TTC28: variants seen among roughly 807,000 people sequenced by gnomAD.
TTC28 encodes the protein tetratricopeptide repeat protein 28.
Under a neutral mutation model 198.0 loss-of-function variants are expected in TTC28, and 61 were observed. The observed-to-expected ratio is 0.31, with a 90% confidence interval of 0.25 to 0.38. The LOEUF is 0.38. Ranked by LOEUF, TTC28 falls within the 10% of genes least tolerant of loss-of-function variation. The pLI, the probability that TTC28 is intolerant of heterozygous loss-of-function variation, is 1.00. For synonymous variants in TTC28, 1,171 were observed against 1,297.8 expected (o/e 0.90, Z 2.10); for missense variants, 2,678 against 3,164.0 (o/e 0.85, Z 3.69).
At chr22:28,677,175 A>AAAAAT (rs1555910210) in intron 1 of TTC28, among the ~76,000 whole-genome samples, 3 of 69,482 alleles carry the variant, frequency 4.3e-5, no homozygotes, top group African/African-American at 1.5e-4. Flanking sequence ...AAAAAAAAAA[A>AAAAAT]ATATATATAT....
chr22:28,244,562 A>G (rs548168887), intron 5 of TTC28, among the ~76,000 whole-genome samples: 1 of 152,322 alleles, frequency 6.6e-6, no homozygotes, highest in East Asian at 1.9e-4. Flanking sequence ...CTGACTTCAG[A>G]AATTGTTCTC....
chr22:28,461,411 A>G (rs969625608), intron 2 of TTC28, among the ~76,000 whole-genome samples: 1 of 151,896 alleles, frequency 6.6e-6, no homozygotes, highest in African/African-American at 2.4e-5. Flanking sequence ...ACCACATACA[A>G]TATCAAACCC....
chr22:28,576,553 G>A (rs1006524864), intron 2 of TTC28, among the ~76,000 whole-genome samples: 1 of 152,032 alleles, frequency 6.6e-6, no homozygotes, highest in African/African-American at 2.4e-5. Context: ...AGTTTGATCA[G>A]GATTGGTATT....
intron 8 of TTC28, among the ~76,000 whole-genome samples, chr22:28,102,007 CTT>C (rs1162484414): frequency 5.9e-5 from 9 of 152,130 alleles, no homozygotes; most frequent in Non-Finnish European, 1.0e-4. Flanking sequence ...ACAAGTGAAA[CTT>C]AACCTGGTCA....
chr22:28,155,196 T>C (rs1431753499), intron 6 of TTC28, among the ~76,000 whole-genome samples: 1 of 152,190 alleles, frequency 6.6e-6, no homozygotes, highest in Non-Finnish European at 1.5e-5. Context: ...ATACCAGGAG[T>C]ATACAGAATC....
intron 5 of TTC28, among the ~76,000 whole-genome samples, chr22:28,216,155 C>A (rs973158696): frequency 6.6e-6 from 1 of 152,172 alleles, no homozygotes; most frequent in Non-Finnish European, 1.5e-5. Context: ...AGGTACTCAA[C>A]ATTTGCAGAA....
intron 2 of TTC28, among the ~76,000 whole-genome samples, chr22:28,596,568 T>C (rs1601605724): frequency 6.6e-6 from 1 of 152,320 alleles, no homozygotes; most frequent in East Asian, 1.9e-4. Flanking sequence ...AAATTACTTT[T>C]TAGTGAAAAG....
At chr22:28,358,176 A>G (rs1161381338) in intron 2 of TTC28, among the ~76,000 whole-genome samples, 1 of 152,234 alleles carries the variant, frequency 6.6e-6, no homozygotes, top group Non-Finnish European at 1.5e-5. Flanking sequence ...AAGCAAGAAT[A>G]GAGCATTTTT....
intron 6 of TTC28, among the ~76,000 whole-genome samples, chr22:28,117,207 A>G (rs1399159712): frequency 6.6e-6 from 1 of 152,164 alleles, no homozygotes; most frequent in African/African-American, 2.4e-5. Flanking sequence ...TGTATTCCAG[A>G]TGGTACAGCT....
intron 2 of TTC28, among the ~76,000 whole-genome samples, chr22:28,425,124 A>C (rs1296344294): frequency 6.6e-6 from 1 of 152,192 alleles, no homozygotes; most frequent in Non-Finnish European, 1.5e-5. Context: ...ATTTAATATA[A>C]GCTAAAGTAA....
intron 12 of TTC28, among the ~76,000 whole-genome samples, chr22:28,079,060 G>A (rs1941253138): frequency 6.6e-6 from 1 of 152,196 alleles, no homozygotes; most frequent in African/African-American, 2.4e-5. Flanking sequence ...AGGCATACAG[G>A]TCAGCATAAG....
rs1250453389 is a variant in TTC28, at chr22:27,983,438, ATG to A, written c.6227_6228del (p.Thr2076MetfsTer64). The A allele has an allele frequency of 6.5e-7, 1 of 1,547,848 alleles. No homozygotes were observed. The highest frequency in any genetic ancestry group is 8.7e-7 in the Non-Finnish European group (1 of 1,146,120). On this transcript the variant is annotated frameshift_variant, in exon 23 of 23. Coordinates refer to ENST00000397906, the MANE Select transcript of TTC28 (RefSeq NM_001145418.2). LOFTEE classifies it low-confidence loss of function (END_TRUNC). ...PLATYQENRN[T>X]CFSPDHKQPQ... ...GGTTGTTTGTGGTCTGGTGAGAAGCATGTGTTTCGGTTTTCTTGGTAGGTCGC... is the reference window on the plus strand; with the variant it reads ...GGTTGTTTGTGGTCTGGTGAGAAGCATGTTTCGGTTTTCTTGGTAGGTCGC...
chr22:28,251,814 G>C (rs1373018891), intron 5 of TTC28, among the ~76,000 whole-genome samples: 5 of 152,040 alleles, frequency 3.3e-5, no homozygotes. Flanking sequence ...AAAGGATCCT[G>C]AATCAGAAAT....
intron 13 of TTC28, among the ~76,000 whole-genome samples, 163 bp from the exon 14 acceptor site, chr22:28,014,555 G>T (rs1027596193): frequency 6.6e-6 from 1 of 152,172 alleles, no homozygotes; most frequent in Non-Finnish European, 1.5e-5. Flanking sequence ...TCCCTTTCAG[G>T]TAATTTTCAC....
intron 2 of TTC28, among the ~76,000 whole-genome samples, chr22:28,387,545 G>A (rs2046630646): frequency 1.3e-5 from 2 of 152,202 alleles, no homozygotes; most frequent in Admixed American, 1.3e-4. Flanking sequence ...TCTAACTGGT[G>A]TGAGATGGTA....
intron 2 of TTC28, among the ~76,000 whole-genome samples, chr22:28,389,295 A>T (rs2046673350): frequency 6.6e-6 from 1 of 152,080 alleles, no homozygotes; most frequent in Non-Finnish European, 1.5e-5. Context: ...ATATTGGTCT[A>T]AAATTCTCCT....
intron 2 of TTC28, among the ~76,000 whole-genome samples, chr22:28,585,586 A>G (rs982996811): frequency 6.6e-6 from 1 of 152,164 alleles, no homozygotes; most frequent in African/African-American, 2.4e-5. Flanking sequence ...ACGGACCAGT[A>G]TCAGTCCGTG....
At chr22:28,378,477 T>C (rs1325159669) in intron 2 of TTC28, among the ~76,000 whole-genome samples, 2 of 149,898 alleles carry the variant, frequency 1.3e-5, no homozygotes, top group Non-Finnish European at 3.0e-5. Flanking sequence ...CTGGGCAACA[T>C]AGGGAGACCC....
chr22:27,992,974 C>T (rs1937470611), intron 18 of TTC28: 5 of 557,120 alleles, frequency 9.0e-6, no homozygotes, highest in South Asian at 4.7e-5. Context: ...ACAGCTTCAT[C>T]GGGGCCACAG....
Sources: gnomAD v4.1 joint callset for allele counts (sites outside exome capture counted in the v4.1 genomes callset) on GRCh38, gnomAD v4.1.1 for gene constraint, MANE v1.5 for transcripts, NCBI Gene and HGNC (gene_info 2026-07-23, HGNC 2026-07-21) for gene names.